Variants in COL6A5 observed in about 807,000 individuals in gnomAD.
The protein encoded by COL6A5 is collagen alpha-5(VI) chain.
A neutral mutation model predicts 65.6 loss-of-function variants in COL6A5; 48 were observed. That is an observed-to-expected ratio of 0.73 (90% CI 0.58 to 0.93). COL6A5 has a LOEUF of 0.93. Ranked by LOEUF, COL6A5 falls within the 40% of genes least tolerant of loss-of-function variation. The pLI is 0.00. For missense variants in COL6A5, 914 were observed against 928.3 expected (o/e 0.98, Z 0.20); for synonymous variants, 291 against 322.8 (o/e 0.90, Z 1.05).
chr3:130,376,680 A>C lies in COL6A5; in HGVS notation c.511A>C (p.Lys171Gln), dbSNP rs749397417. 4.5e-5 allele frequency: 73 copies of C among 1,613,690 alleles called. No homozygotes were observed. Among genetic ancestry groups the C allele is most frequent in the Non-Finnish European group, 6.0e-5 (71 of 1,179,724 alleles). Residue 171 changes from lysine to glutamine, a missense_variant and NMD_transcript_variant, in exon 3 of 42, where the codon AAA becomes CAA. Coordinates refer to the COL6A5 transcript ENST00000312481. ...GAAAATTATCTCCGTGGGGGTGCAG[A>C]AAGCTTCTGAGGAAAATCTGAAGGC... is the stretch of plus-strand genomic sequence containing the variant.
chr3:130,479,813 AT>A (rs1292177393), intron 7 of COL6A5, among the ~76,000 whole-genome samples: 2 of 152,128 alleles, frequency 1.3e-5, no homozygotes, highest in East Asian at 3.8e-4. Context: ...TTTTCCAAAC[AT>A]TTTAGTTTTT....
At chr3:130,464,147 T>G (rs140784631) in intron 5 of COL6A5, among the ~76,000 whole-genome samples, 10 of 152,186 alleles carry the variant, frequency 6.6e-5, no homozygotes, top group African/African-American at 1.9e-4. Context: ...TTCATTCTTT[T>G]TAGAGATAGG....
At chr3:130,441,553 G>T (rs1424134084) in intron 3 of COL6A5, among the ~76,000 whole-genome samples, 1 of 150,670 alleles carries the variant, frequency 6.6e-6, no homozygotes, top group African/African-American at 2.5e-5. Context: ...TCATTGAACA[G>T]GATGTATCAG....
intron 5 of COL6A5, among the ~76,000 whole-genome samples, chr3:130,463,980 G>C (rs528577796): frequency 1.1e-3 from 172 of 152,074 alleles, no homozygotes; most frequent in Non-Finnish European, 1.7e-3. Flanking sequence ...GTTCTGAGGG[G>C]TATTTTAGAA....
rs117068920 is a variant in COL6A5 at position 130,347,684 on chromosome 3, C to A, written c.-29+1703C>A. ...TGATTTTCCTTCCTCAAGTTCAAAT[C>A]ATCTTCCAAAAAGGAAGAATTTTCA... On this transcript the variant is annotated intron_variant and NMD_transcript_variant, in intron 1 of 41. Transcript: ENST00000312481. Among the ~76,000 whole-genome samples the A allele has an allele frequency of 4.8e-3, 735 of 152,316 alleles. 13 individuals carry two copies. The East Asian group carries it at 0.054, about 11-fold the overall frequency.
chr3:130,379,187 T>C (rs971477518), intron 3 of COL6A5, among the ~76,000 whole-genome samples: 3 of 151,920 alleles, frequency 2.0e-5, no homozygotes, highest in Admixed American at 6.6e-5. Flanking sequence ...GGTAGGGAAA[T>C]TGGTCAGAAG....
chr3:130,431,030 A>G (rs1282003531), upstream of COL6A5, among the ~76,000 whole-genome samples: 1 of 152,204 alleles, frequency 6.6e-6, no homozygotes, highest in Non-Finnish European at 1.5e-5. Context: ...GCAGATTTTC[A>G]AGATCTCCAA....
At chr3:130,418,319 A>C (rs1018453705) in intron 24 of COL6A5, among the ~76,000 whole-genome samples, 3 of 151,368 alleles carry the variant, frequency 2.0e-5, no homozygotes, top group African/African-American at 7.3e-5. Flanking sequence ...GATCACTCTC[A>C]CCCCTTTCTT....
intron 1 of COL6A5, among the ~76,000 whole-genome samples, chr3:130,369,769 C>T (rs573807732): frequency 6.6e-6 from 1 of 152,278 alleles, no homozygotes; most frequent in African/African-American, 2.4e-5. Context: ...TGTGGCTGAT[C>T]TACATGTGCT....
At chr3:130,445,669 G>C in intron 4 of COL6A5, among the ~76,000 whole-genome samples, 1 of 152,078 alleles carries the variant, frequency 6.6e-6, no homozygotes, top group East Asian at 1.9e-4. Flanking sequence ...ATGAGGCCTG[G>C]TGCGGGGGGG....
At chr3:130,367,699 G>A (rs1001839665) in intron 1 of COL6A5, among the ~76,000 whole-genome samples, 1 of 152,168 alleles carries the variant, frequency 6.6e-6, no homozygotes, top group Non-Finnish European at 1.5e-5. Flanking sequence ...TTGTTGAATG[G>A]ATAAATAATC....
intron 1 of COL6A5, among the ~76,000 whole-genome samples, chr3:130,348,409 T>C (rs1282749021): frequency 6.6e-6 from 1 of 152,232 alleles, no homozygotes; most frequent in Non-Finnish European, 1.5e-5. Flanking sequence ...TTGCTGAGGA[T>C]GATGGATTCC....
upstream of COL6A5, among the ~76,000 whole-genome samples, chr3:130,430,860 G>A (rs751243936): frequency 7.9e-5 from 12 of 152,152 alleles, no homozygotes; most frequent in South Asian, 2.1e-4. Context: ...CAAGTTCCTC[G>A]AAGGCAGTGC....
intron 17 of COL6A5, among the ~76,000 whole-genome samples, chr3:130,408,841 T>A (rs1937086541): frequency 6.6e-6 from 1 of 152,188 alleles, no homozygotes; most frequent in African/African-American, 2.4e-5. Context: ...CGATAGAACA[T>A]CCCTGTGGAA....
At chr3:130,442,127 C>T (rs1004987469) in intron 3 of COL6A5, among the ~76,000 whole-genome samples, 19 of 152,116 alleles carry the variant, frequency 1.2e-4, no homozygotes, top group African/African-American at 4.6e-4. Flanking sequence ...AAGATGCCCT[C>T]AATTGTATAA....
upstream of COL6A5, chr3:130,429,630 G>T: frequency 6.7e-7 from 1 of 1,500,714 alleles, no homozygotes; most frequent in East Asian, 2.6e-5. Flanking sequence ...CATTACTGCT[G>T]CATTCCAACA....
intron 5 of COL6A5, among the ~76,000 whole-genome samples, chr3:130,460,209 T>C (rs1302071105): frequency 2.0e-5 from 3 of 152,134 alleles, no homozygotes; most frequent in African/African-American, 7.2e-5. Flanking sequence ...GCAGCAGAAT[T>C]GTAGCAATGT....
At chr3:130,457,870 T>C (rs1709612589) in intron 5 of COL6A5, among the ~76,000 whole-genome samples, 1 of 152,146 alleles carries the variant, frequency 6.6e-6, no homozygotes, top group Non-Finnish European at 1.5e-5. Context: ...TTTGATAAGT[T>C]CCAGATGTAT....
chr3:130,461,979 C>T (rs1336789770), intron 5 of COL6A5, among the ~76,000 whole-genome samples: 2 of 151,922 alleles, frequency 1.3e-5, no homozygotes, highest in South Asian at 2.1e-4. Context: ...CATCTAAATG[C>T]CACCTAGAAA....
Sources: allele counts gnomAD v4.1 joint callset (sites outside exome capture counted in the v4.1 genomes callset), GRCh38; gene constraint gnomAD v4.1.1; transcripts MANE v1.5; gene names NCBI Gene and HGNC (gene_info 2026-07-23, HGNC 2026-07-21).